INSL6: variants seen among roughly 807,000 people sequenced by gnomAD.
The protein encoded by INSL6 is insulin like 6, also known as insulin-like peptide INSL6.
A neutral mutation model predicts 9.4 loss-of-function variants in INSL6; 16 were observed. That is an observed-to-expected ratio of 1.70 (90% CI 1.15 to 2.59). The LOEUF (loss-of-function observed/expected upper bound fraction) is 2.59. Among genes scored for constraint, INSL6 ranks in the 30% most tolerant of loss-of-function variants. INSL6 has a pLI of 0.00. For missense variants in INSL6, 391 were observed against 257.3 expected (o/e 1.52, Z -3.56); for synonymous variants, 154 against 96.9 (o/e 1.59, Z -3.46).
At chr9:5,105,948 A>T in the INSL6 span, among the ~76,000 whole-genome samples, 1 of 152,224 alleles carries the variant, frequency 6.6e-6, no homozygotes, top group Non-Finnish European at 1.5e-5. Flanking sequence ...TAGACTTAAA[A>T]CCATAAAAGC....
At chr9:5,093,670 G>A in the INSL6 span, among the ~76,000 whole-genome samples, 1 of 152,120 alleles carries the variant, frequency 6.6e-6, no homozygotes, top group South Asian at 2.1e-4. Flanking sequence ...TAAGACCACA[G>A]TAGTCTAAGC....
the INSL6 span, chr9:5,097,014 A>G: frequency 2.0e-5 from 3 of 152,212 alleles, no homozygotes; most frequent in Admixed American, 2.0e-4. Flanking sequence ...TTGCATCCTC[A>G]ATAGAAGCCG....
chr9:5,086,125 C>A, the INSL6 span: 1 of 417,446 alleles, frequency 2.4e-6, no homozygotes, highest in South Asian at 2.8e-5. Flanking sequence ...GGCAGCGGCG[C>A]GCGGCCCCGG....
chr9:5,047,624 T>A, the INSL6 span, among the ~76,000 whole-genome samples: 1 of 152,220 alleles, frequency 6.6e-6, no homozygotes, highest in East Asian at 1.9e-4. Context: ...TTTTGTCAGC[T>A]ACTCAAATGA....
intron 1 of INSL6, among the ~76,000 whole-genome samples, chr9:5,173,619 T>C (rs1248356520): frequency 2.0e-5 from 3 of 151,342 alleles, no homozygotes; most frequent in Admixed American, 1.3e-4. Flanking sequence ...GAGGGTGGGG[T>C]TGGGGGAGGG....
At chr9:5,034,601 AC>A in the INSL6 span, among the ~76,000 whole-genome samples, 1 of 152,044 alleles carries the variant, frequency 6.6e-6, no homozygotes, top group Non-Finnish European at 1.5e-5. Flanking sequence ...AAACCACTCA[AC>A]TACATGGAAA....
downstream of INSL6, among the ~76,000 whole-genome samples, chr9:5,159,005 G>A (rs983413463): frequency 5.9e-5 from 9 of 152,202 alleles, no homozygotes; most frequent in African/African-American, 1.7e-4. Flanking sequence ...CAAAGTTAAA[G>A]TGTAGAATTG....
At chr9:5,106,360 C>T in the INSL6 span, among the ~76,000 whole-genome samples, 1 of 152,136 alleles carries the variant, frequency 6.6e-6, no homozygotes, top group South Asian at 2.1e-4. Flanking sequence ...CCATCTCATG[C>T]CAGTTAGAAT....
chr9:5,091,185 G>C, the INSL6 span: 2 of 249,534 alleles, frequency 8.0e-6, no homozygotes, highest in Admixed American at 1.1e-4. Flanking sequence ...GAGGCTTAGG[G>C]GTAATTATTA....
chr9:5,105,121 C>G, the INSL6 span, among the ~76,000 whole-genome samples: 2 of 152,196 alleles, frequency 1.3e-5, no homozygotes, highest in Admixed American at 6.5e-5. Flanking sequence ...GTCAAATTGT[C>G]CCTGTTTGCA....
the INSL6 span, among the ~76,000 whole-genome samples, chr9:5,037,873 G>A: frequency 5.7e-3 from 865 of 152,008 alleles, 9 homozygotes; most frequent in African/African-American, 0.02. Flanking sequence ...AAATGAAAAG[G>A]CAAATTGTAA....
At chr9:5,063,854 CATATGTATTAAG>C in the INSL6 span, among the ~76,000 whole-genome samples, 2 of 152,124 alleles carry the variant, frequency 1.3e-5, no homozygotes, top group Non-Finnish European at 2.9e-5. Context: ...TACATGTTCA[CATATGTATTAAG>C]ATACAATCAG....
At chr9:5,066,785 T>A in the INSL6 span, 1 of 1,491,620 alleles carries the variant, frequency 6.7e-7, no homozygotes, top group Non-Finnish European at 9.1e-7. Context: ...ACTTTTGCTG[T>A]CGAGGTTAGT....
intron 1 of INSL6, among the ~76,000 whole-genome samples, chr9:5,179,320 G>A (rs1825390930): frequency 6.6e-6 from 1 of 152,114 alleles, no homozygotes; most frequent in Non-Finnish European, 1.5e-5. Flanking sequence ...ACCATCTCAT[G>A]CCAGTCAGAA....
At chr9:5,082,871 CAA>C in the INSL6 span, among the ~76,000 whole-genome samples, 1 of 152,194 alleles carries the variant, frequency 6.6e-6, no homozygotes, top group Non-Finnish European at 1.5e-5. Context: ...CAGGTTGGGG[CAA>C]AGTTACAGAT....
chr9:5,048,672 A>G, the INSL6 span, among the ~76,000 whole-genome samples: 3 of 152,220 alleles, frequency 2.0e-5, no homozygotes, highest in Admixed American at 2.0e-4. Flanking sequence ...GGTTCTTAAT[A>G]GTTTATTTTC....
chr9:5,183,666 T>C (rs963696958), intron 1 of INSL6, among the ~76,000 whole-genome samples: 1 of 151,888 alleles, frequency 6.6e-6, no homozygotes, highest in South Asian at 2.1e-4. Context: ...GCATAGGTAG[T>C]GAAAGCACAG....
the INSL6 span, among the ~76,000 whole-genome samples, chr9:5,033,416 G>C: frequency 2.0e-5 from 3 of 152,118 alleles, no homozygotes; most frequent in South Asian, 2.1e-4. Flanking sequence ...CTTGAGAAGA[G>C]CAACTCCAAC....
chr9:5,040,651 G>A, the INSL6 span, among the ~76,000 whole-genome samples: 1 of 152,254 alleles, frequency 6.6e-6, no homozygotes, highest in Admixed American at 6.5e-5. Context: ...AGTAGGCAAG[G>A]GACTTGGATA....
Sources: allele counts gnomAD v4.1 joint callset (sites outside exome capture counted in the v4.1 genomes callset), GRCh38; gene constraint gnomAD v4.1.1; transcripts MANE v1.5; gene names NCBI Gene and HGNC (gene_info 2026-07-23, HGNC 2026-07-21).